SLC22A2: variants seen among roughly 807,000 people sequenced by gnomAD.
SLC22A2 encodes the protein solute carrier family 22 member 2, also known as organic cation transporter 2.
Under a neutral mutation model 60.5 loss-of-function variants are expected in SLC22A2, and 46 were observed. The ratio of observed to expected loss-of-function variants is 0.76; its 90% CI spans 0.60 to 0.97. SLC22A2 has a LOEUF of 0.97. Ranked by LOEUF, SLC22A2 falls within the 50% of genes least tolerant of loss-of-function variation. SLC22A2 has a pLI of 0.00. For missense variants in SLC22A2, 701 were observed against 706.6 expected, an observed-to-expected ratio of 0.99 and a Z score of 0.09; for synonymous variants, 303 against 267.0, an observed-to-expected ratio of 1.13 and a Z score of -1.31.
chr6:160,258,219 A>G, intron 1 of SLC22A2, 125 bp downstream of exon 1: 1 of 1,108,958 alleles, frequency 9.0e-7, no homozygotes, highest in Non-Finnish European at 1.3e-6. Context: ...AGGATTTTGT[A>G]AGATACATGC....
intron 9 of SLC22A2, among the ~76,000 whole-genome samples, chr6:160,236,732 G>A (rs186147716): frequency 1.5e-3 from 235 of 152,222 alleles, no homozygotes; most frequent in African/African-American, 5.1e-3. Flanking sequence ...CAGGGTTCCT[G>A]ACCTGTGGTA....
chr6:160,256,233 G>T (rs1783269794), intron 2 of SLC22A2, among the ~76,000 whole-genome samples: 1 of 152,004 alleles, frequency 6.6e-6, no homozygotes, highest in South Asian at 2.1e-4. Context: ...GCAGAGGATA[G>T]GATTGAGCTC....
chr6:160,242,132 T>C (rs1210384609), intron 8 of SLC22A2, among the ~76,000 whole-genome samples, 162 bp downstream of exon 8: 2 of 152,194 alleles, frequency 1.3e-5, no homozygotes, highest in East Asian at 1.9e-4. Context: ...AGCCTGTAAG[T>C]GTGAGAGGTG....
Position 160,245,489 on chromosome 6 carries a change from C to G in SLC22A2, c.1014G>C (p.Leu338Phe), listed in dbSNP as rs369778181. 6.2e-7 allele frequency: 1 copy of G among 1,610,194 alleles called. No homozygotes were observed. Among genetic ancestry groups the G allele is most frequent in the Non-Finnish European group, 8.5e-7 (1 of 1,177,834 alleles). The change falls in exon 6 of 11, where the codon TTG becomes TTC. Residue 338 changes from leucine (L) to phenylalanine (F), a missense_variant. Physicochemically the swap from Leu to Phe is conservative, Grantham distance 22. Transcript: ENST00000366953. ...GTTTCCTTATCTGAGGAGTTCTGAC[C>G]AAGTCAAGAAATGAAGGGTTCAATT... ...GKKLNPSFLD[L>F]VRTPQIRKHT...
At chr6:160,227,847 A>G (rs1276224917) in intron 9 of SLC22A2, among the ~76,000 whole-genome samples, 1 of 152,230 alleles carries the variant, frequency 6.6e-6, no homozygotes, top group African/African-American at 2.4e-5. Flanking sequence ...AAAGCCAGCT[A>G]TAACCCACCA....
intron 1 of SLC22A2, 28 bp from the exon 2 acceptor site, chr6:160,256,745 T>C (rs1783279091): frequency 1.4e-6 from 2 of 1,475,414 alleles, no homozygotes; most frequent in Non-Finnish European, 1.9e-6. Context: ...GTGTTCCAAG[T>C]TGGGAGAGAA....
chr6:160,224,855 C>A, intron 9 of SLC22A2, 51 bp from the exon 10 acceptor site: 1 of 1,064,754 alleles, frequency 9.4e-7, no homozygotes, highest in South Asian at 1.9e-5. Flanking sequence ...AACTCAAGGT[C>A]TATAATTAGA....
chr6:160,242,795 C>T (rs1281456240), intron 7 of SLC22A2, among the ~76,000 whole-genome samples: 4 of 151,956 alleles, frequency 2.6e-5, no homozygotes, highest in African/African-American at 9.7e-5. Flanking sequence ...ATAATCACCC[C>T]AAATCTATAG....
intron 10 of SLC22A2, chr6:160,217,755 T>C (rs1414238010): frequency 2.9e-6 from 1 of 349,942 alleles, no homozygotes; most frequent in Non-Finnish European, 5.1e-6. Flanking sequence ...TTTTAGGGTG[T>C]TCACCTTTCT....
At position 160,233,941 on chromosome 6, in the gene SLC22A2, C is replaced by T. The variant is rs576411184; in HGVS notation, c.1501+7533G>A. On this transcript the variant is annotated intron_variant, in intron 9 of 10. Transcript: ENST00000366953. ...GAGACAGGAATGTCAGGCCTCTGAG[C>T]CCAAGCTAAGCCATCATATCCCCTG... is the stretch of plus-strand genomic sequence containing the variant. Among the ~76,000 whole-genome samples, 11 of 152,146 alleles carry T rather than the reference C, an allele frequency of 7.2e-5. No individual in the cohort carries two copies. In the South Asian group the frequency reaches 2.3e-3, roughly 32 times the overall value.
rs369166212 is a variant in SLC22A2, at chr6:160,241,488, G to A, written c.1487C>T (p.Pro496Leu). 28 of 1,611,172 alleles carry A rather than the reference G, an allele frequency of 1.7e-5. No individual in the cohort carries two copies. Among genetic ancestry groups the A allele is most frequent in the Middle Eastern group, 1.7e-4 (1 of 6,050 alleles). ...YRLTNIWLEL[P>L]LMVFGVLGLV... ...AGATTTCTTACCGAAAACCATCAGC[G>A]GGAGCTCAAGCCAGATGTTAGTGAG... The change falls in exon 9 of 11, where the codon CCG becomes CTG. Residue 496 changes from proline to leucine, a missense_variant. Coordinates refer to ENST00000366953, the MANE Select transcript of SLC22A2 (RefSeq NM_003058.4).
chr6:160,224,123 T>G (rs1782686245), intron 10 of SLC22A2, among the ~76,000 whole-genome samples: 1 of 152,216 alleles, frequency 6.6e-6, no homozygotes, highest in Non-Finnish European at 1.5e-5. Context: ...CTCCCCATTC[T>G]TCCCCAACAT....
intron 9 of SLC22A2, among the ~76,000 whole-genome samples, chr6:160,225,399 T>C (rs1782707878): frequency 6.6e-6 from 1 of 152,236 alleles, no homozygotes; most frequent in Admixed American, 6.5e-5. Flanking sequence ...TAAAGTTGTA[T>C]TTATATGTGT....
At chr6:160,254,732 T>G (rs316009) in intron 2 of SLC22A2, among the ~76,000 whole-genome samples, 1 of 152,134 alleles carries the variant, frequency 6.6e-6, no homozygotes, top group Admixed American at 6.5e-5. Flanking sequence ...AGACAGCCTT[T>G]GGGGGAAGAA....
rs140309179 is a variant in SLC22A2, at chr6:160,233,646, G to A, written c.1501+7828C>T. Among the ~76,000 whole-genome samples the A allele has an allele frequency of 1.1e-3, 167 of 151,924 alleles. 3 individuals are homozygous for A. The East Asian group carries it at 0.031, about 28-fold the overall frequency. On this transcript the variant is annotated intron_variant, in intron 9 of 10. Transcript: ENST00000366953. ...TCTCCTTCTTTTATTTGGACCTTGTGTCTTCTGTTTAGTTTCTCAATTCAT... is the reference window on the plus strand; with the variant it reads ...TCTCCTTCTTTTATTTGGACCTTGTATCTTCTGTTTAGTTTCTCAATTCAT...
At chr6:160,251,536 G>C (rs901015385) in intron 2 of SLC22A2, among the ~76,000 whole-genome samples, 13 of 152,040 alleles carry the variant, frequency 8.6e-5, no homozygotes, top group African/African-American at 3.1e-4. Context: ...TTTTCCTTCT[G>C]TTTGCAAACC....
Position 160,258,391 on chromosome 6 carries a change from G to A in SLC22A2, c.367C>T (p.Arg123Trp), listed in dbSNP as rs1229793943. Residue 123 changes from arginine to tryptophan, a missense_variant, in exon 1 of 11, where the codon CGG becomes TGG. Transcript: ENST00000366953. ...NRSRLPLGPCRDGWVYETPGS... is the reference protein window; with the variant it reads ...NRSRLPLGPCWDGWVYETPGS... ...GGCGTCTCGTACACCCAGCCGTCCC[G>A]GCAGGGGCCCAGTGGCAGGCGGCTC... The A allele has an allele frequency of 1.9e-6, 3 of 1,613,806 alleles. No homozygotes were observed. The highest frequency in any genetic ancestry group is 1.3e-5 in the African/African-American group (1 of 75,042).
At chr6:160,245,390 T>G in intron 6 of SLC22A2, 49 bp downstream of exon 6, 1 of 1,062,650 alleles carries the variant, frequency 9.4e-7, no homozygotes, top group Non-Finnish European at 1.4e-6. Flanking sequence ...TATGGATGAC[T>G]GTGATTAAAA....
intron 10 of SLC22A2, chr6:160,217,834 C>T: frequency 5.5e-6 from 1 of 180,320 alleles, no homozygotes; most frequent in Non-Finnish European, 1.1e-5. Flanking sequence ...ATTGCAAAAT[C>T]TTGTTATCAT....
Sources: gnomAD v4.1 joint callset for allele counts (sites outside exome capture counted in the v4.1 genomes callset) on GRCh38, gnomAD v4.1.1 for gene constraint, MANE v1.5 for transcripts, NCBI Gene and HGNC (gene_info 2026-07-23, HGNC 2026-07-21) for gene names.